Variants in ALK observed in about 807,000 individuals in gnomAD.
ALK encodes ALK tyrosine kinase receptor.
Under a neutral mutation model 163.1 loss-of-function variants are expected in ALK, and 74 were observed. The observed-to-expected ratio is 0.45, with a 90% CI of 0.38 to 0.55. The LOEUF is 0.55. Ranked by LOEUF, ALK falls within the 20% of genes least tolerant of loss-of-function variation. The pLI, the probability that ALK is intolerant of heterozygous loss-of-function variation, is 0.00. For missense variants in ALK, 2,063 were observed against 2,105.3 expected, an observed-to-expected ratio of 0.98 and a Z score of 0.39; for synonymous variants, 960 against 843.2, an observed-to-expected ratio of 1.14 and a Z score of -2.40.
rs145435407 is a variant in ALK at position 29,745,736 on chromosome 2, G to A, written c.668-28039C>T. Among the ~76,000 whole-genome samples the A allele has an allele frequency of 4.6e-5, 7 of 152,302 alleles. No individual in the cohort carries two copies. The East Asian group carries it at 1.3e-3, about 29-fold the overall frequency. ...CCATGGTTTGCCTCCTTCCTGGCAT[G>A]TATCCCAACCAATAATTACACACGG... is the stretch of plus-strand genomic sequence containing the variant. On this transcript the variant is annotated intron_variant, in intron 1 of 28. Coordinates refer to ENST00000389048, the MANE Select transcript of ALK (RefSeq NM_004304.5).
intron 8 of ALK, among the ~76,000 whole-genome samples, chr2:29,312,529 G>C (rs757642434): frequency 5.8e-4 from 88 of 152,160 alleles, no homozygotes; most frequent in Non-Finnish European, 1.0e-3. Context: ...GAGATGGCGT[G>C]GCTGTTGGGC....
intron 1 of ALK, among the ~76,000 whole-genome samples, chr2:29,866,376 G>A (rs968053447): frequency 7.2e-5 from 11 of 152,134 alleles, no homozygotes; most frequent in Admixed American, 3.9e-4. Flanking sequence ...GGTGCAACTC[G>A]ACACGCAATG....
intron 6 of ALK, among the ~76,000 whole-genome samples, chr2:29,322,034 G>A (rs1366478891): frequency 6.6e-6 from 1 of 152,234 alleles, no homozygotes. Context: ...AAGGCACTCA[G>A]CCCTAAGGAG....
chr2:29,632,019 A>G (rs930224111), intron 3 of ALK, among the ~76,000 whole-genome samples: 4 of 152,208 alleles, frequency 2.6e-5, no homozygotes, highest in South Asian at 2.1e-4. Flanking sequence ...GAAATAAGAA[A>G]ATTGCACAAA....
intron 2 of ALK, among the ~76,000 whole-genome samples, chr2:29,716,483 C>G (rs1679258844): frequency 6.6e-6 from 1 of 152,058 alleles, no homozygotes; most frequent in Non-Finnish European, 1.5e-5. Flanking sequence ...TTGCAGAGAC[C>G]CAGCTACTAT....
chr2:29,359,985 T>A (rs1464237988), intron 5 of ALK, among the ~76,000 whole-genome samples: 1 of 152,242 alleles, frequency 6.6e-6, no homozygotes, highest in Non-Finnish European at 1.5e-5. Context: ...AAGCTGTTCC[T>A]CTCTCCAGGG....
intron 3 of ALK, among the ~76,000 whole-genome samples, chr2:29,590,561 C>T (rs1675019398): frequency 6.6e-6 from 1 of 152,150 alleles, no homozygotes. Context: ...GATAAGGTTT[C>T]TCATCTTCCA....
intron 11 of ALK, among the ~76,000 whole-genome samples, chr2:29,273,257 A>G (rs1362746580): frequency 6.6e-6 from 1 of 152,184 alleles, no homozygotes; most frequent in African/African-American, 2.4e-5. Flanking sequence ...CTGGGTGATT[A>G]TTACTGACTG....
chr2:29,296,619 G>C (rs1666187346), intron 9 of ALK, among the ~76,000 whole-genome samples: 1 of 152,192 alleles, frequency 6.6e-6, no homozygotes, highest in Non-Finnish European at 1.5e-5. Context: ...CCAGACACTG[G>C]GGGTAGCCAA....
At chr2:29,197,377 C>T (rs757907833) in intron 27 of ALK, among the ~76,000 whole-genome samples, 165 bp downstream of exon 27, 18 of 152,164 alleles carry the variant, frequency 1.2e-4, no homozygotes, top group Non-Finnish European at 2.1e-4. Flanking sequence ...GCCTGGGAGA[C>T]GCATCCATCT....
intron 4 of ALK, among the ~76,000 whole-genome samples, chr2:29,485,355 A>G (rs1671754542): frequency 6.6e-6 from 1 of 152,108 alleles, no homozygotes; most frequent in Non-Finnish European, 1.5e-5. Context: ...ATTCATTTTG[A>G]TTTTATTTTA....
intron 5 of ALK, among the ~76,000 whole-genome samples, chr2:29,345,654 C>T (rs567367699): frequency 2.4e-4 from 36 of 151,950 alleles, no homozygotes; most frequent in South Asian, 1.5e-3. Flanking sequence ...AGTTATCAGA[C>T]GCTTAGATCT....
intron 1 of ALK, among the ~76,000 whole-genome samples, chr2:29,846,962 A>T (rs10178161): frequency 6.6e-6 from 1 of 152,166 alleles, no homozygotes; most frequent in Non-Finnish European, 1.5e-5. Context: ...TTGCTGAGCT[A>T]TAGAATTTGT....
At chr2:29,590,935 T>G (rs1040578791) in intron 3 of ALK, among the ~76,000 whole-genome samples, 12 of 151,444 alleles carry the variant, frequency 7.9e-5, no homozygotes, top group African/African-American at 1.5e-4. Flanking sequence ...GCCGGGCGTG[T>G]TGGCGGGCGC....
intron 3 of ALK, among the ~76,000 whole-genome samples, chr2:29,665,085 T>A (rs1208673369): frequency 6.6e-6 from 1 of 151,258 alleles, no homozygotes; most frequent in East Asian, 1.9e-4. Context: ...ACTGCAGCCT[T>A]GACCTCCTGG....
chr2:29,533,893 A>G (rs1673182468), intron 3 of ALK, among the ~76,000 whole-genome samples: 1 of 152,210 alleles, frequency 6.6e-6, no homozygotes, highest in South Asian at 2.1e-4. Flanking sequence ...CAGGAGGTCC[A>G]GGTGGGAAGA....
chr2:29,582,061 T>C (rs1455014091), intron 3 of ALK, among the ~76,000 whole-genome samples: 2 of 152,172 alleles, frequency 1.3e-5, no homozygotes, highest in Admixed American at 1.3e-4. Context: ...GTACAAAGCA[T>C]GGGGCCAGTG....
intron 4 of ALK, among the ~76,000 whole-genome samples, chr2:29,454,310 A>C (rs1670895741): frequency 1.3e-5 from 2 of 152,218 alleles, no homozygotes; most frequent in Admixed American, 1.3e-4. Context: ...GAAGTAGTAT[A>C]ATATTTGCAT....
intron 2 of ALK, among the ~76,000 whole-genome samples, chr2:29,704,786 G>T (rs1363368116): frequency 6.6e-6 from 1 of 152,062 alleles, no homozygotes; most frequent in Non-Finnish European, 1.5e-5. Context: ...AAAGCATGGG[G>T]CCAGAAGCAA....
Sources: gnomAD v4.1 joint callset for allele counts (sites outside exome capture counted in the v4.1 genomes callset) on GRCh38, gnomAD v4.1.1 for gene constraint, MANE v1.5 for transcripts, NCBI Gene and HGNC (gene_info 2026-07-23, HGNC 2026-07-21) for gene names.